Variants in MYRIP observed in about 807,000 individuals in gnomAD.
MYRIP encodes the protein rab effector MyRIP.
Under a neutral mutation model 98.0 loss-of-function variants are expected in MYRIP, and 49 were observed. The observed-to-expected ratio is 0.50, with a 90% CI of 0.40 to 0.63. The LOEUF is 0.63. Ranked by LOEUF, MYRIP falls within the 30% of genes least tolerant of loss-of-function variation. MYRIP has a pLI of 0.00. For synonymous variants in MYRIP, 404 were observed against 409.5 expected, an observed-to-expected ratio of 0.99 and a Z score of 0.16; for missense variants, 1,004 against 1,058.2, an observed-to-expected ratio of 0.95 and a Z score of 0.71.
At chr3:39,945,352 T>TA (rs1475205170) in intron 2 of MYRIP, among the ~76,000 whole-genome samples, 1 of 141,958 alleles carries the variant, frequency 7.0e-6, no homozygotes, top group Non-Finnish European at 1.5e-5. Flanking sequence ...CATGATGGTG[T>TA]ATGCCTGTAA....
At chr3:39,871,476 G>T (rs1261174427) in intron 1 of MYRIP, among the ~76,000 whole-genome samples, 1 of 152,154 alleles carries the variant, frequency 6.6e-6, no homozygotes, top group Non-Finnish European at 1.5e-5. Flanking sequence ...TGGCAAACAG[G>T]TTAGGAACAT....
intron 2 of MYRIP, among the ~76,000 whole-genome samples, chr3:39,953,580 T>C (rs886222614): frequency 2.2e-4 from 33 of 152,068 alleles, no homozygotes; most frequent in African/African-American, 6.3e-4. Context: ...GATGGCCAAA[T>C]AGGAACAGCT....
intron 2 of MYRIP, among the ~76,000 whole-genome samples, chr3:39,921,545 T>G (rs1371945969): frequency 2.6e-5 from 4 of 152,172 alleles, no homozygotes; most frequent in South Asian, 2.1e-4. Context: ...TTGCACATAT[T>G]CAGGTGGGAA....
chr3:40,094,876 T>C lies in MYRIP; in HGVS notation c.332+50605T>C, dbSNP rs114782654. On this transcript the variant is annotated intron_variant, in intron 3 of 16. Coordinates refer to ENST00000302541, the MANE Select transcript of MYRIP (RefSeq NM_015460.4). ...AGCTGCAGTTTCAGACTTCTTACAA[T>C]AGCAAGATGATGGCTTTGCCAGAGC... Among the ~76,000 whole-genome samples, 1,327 of 152,294 alleles carry C rather than the reference T, an allele frequency of 8.7e-3. 18 individuals carry two copies. The highest frequency in any genetic ancestry group is 0.031 in the African/African-American group (1,271 of 41,564).
chr3:39,913,057 G>A (rs893020516), intron 2 of MYRIP, among the ~76,000 whole-genome samples: 2 of 151,938 alleles, frequency 1.3e-5, no homozygotes, highest in African/African-American at 4.8e-5. Context: ...ATTATTTACT[G>A]TGATAAATTT....
intron 3 of MYRIP, among the ~76,000 whole-genome samples, chr3:40,129,523 A>C (rs1949597153): frequency 6.8e-6 from 1 of 147,606 alleles, no homozygotes; most frequent in Non-Finnish European, 1.5e-5. Flanking sequence ...ACACATGGGA[A>C]TCTTGCTAAA....
intron 2 of MYRIP, among the ~76,000 whole-genome samples, chr3:39,994,339 C>T (rs1946276047): frequency 1.3e-5 from 2 of 152,244 alleles, no homozygotes; most frequent in Admixed American, 1.3e-4. Context: ...CACTCCCACC[C>T]TAATACTGCG....
At chr3:39,863,996 T>C (rs937078846) in intron 1 of MYRIP, among the ~76,000 whole-genome samples, 1 of 152,166 alleles carries the variant, frequency 6.6e-6, no homozygotes, top group African/African-American at 2.4e-5. Flanking sequence ...TGTCTCAACA[T>C]ATACAAATTA....
At chr3:40,156,126 G>C (rs1484351413) in intron 4 of MYRIP, among the ~76,000 whole-genome samples, 30 of 151,360 alleles carry the variant, frequency 2.0e-4, no homozygotes, top group African/African-American at 7.3e-4. Flanking sequence ...ATGGTTTTAG[G>C]TCTAACATTT....
chr3:39,888,574 C>T (rs1943381649), intron 1 of MYRIP, among the ~76,000 whole-genome samples: 1 of 152,136 alleles, frequency 6.6e-6, no homozygotes, highest in South Asian at 2.1e-4. Context: ...ACCATAAAAA[C>T]CCTAGAAGAA....
intron 2 of MYRIP, among the ~76,000 whole-genome samples, chr3:40,015,162 T>C (rs1263961554): frequency 1.3e-5 from 2 of 152,270 alleles, no homozygotes; most frequent in African/African-American, 2.4e-5. Context: ...CATTTTGTTC[T>C]TGCTGGTTCC....
chr3:39,809,450 C>G (rs1424316786), upstream of MYRIP, among the ~76,000 whole-genome samples: 2 of 147,410 alleles, frequency 1.4e-5, no homozygotes. Context: ...GGAACCGGCC[C>G]GGCGGGCACC....
intron 2 of MYRIP, among the ~76,000 whole-genome samples, chr3:39,966,295 A>G (rs1474853360): frequency 6.6e-6 from 1 of 152,190 alleles, no homozygotes; most frequent in Non-Finnish European, 1.5e-5. Flanking sequence ...TTTTACCAAG[A>G]ACACTGAAGA....
intron 3 of MYRIP, among the ~76,000 whole-genome samples, chr3:40,110,881 G>GGTGTGT (rs58040369): frequency 1.4e-4 from 20 of 147,806 alleles, no homozygotes; most frequent in African/African-American, 5.0e-4. Flanking sequence ...TTCATGAAGG[G>GGTGTGT]GTGTGTGTGT....
In MYRIP at chr3:40,167,222, A is replaced by C; in HGVS notation, c.712A>C (p.Thr238Pro). 1.2e-6 allele frequency: 2 copies of C among 1,614,210 alleles called. No homozygotes were observed. The highest frequency in any genetic ancestry group is 1.7e-6 in the Non-Finnish European group (2 of 1,180,038). The change falls in exon 7 of 17, where the codon ACG (threonine) becomes CCG (proline). Residue 238 changes from threonine to proline, a missense_variant. Thr to Pro is a conservative substitution (Grantham distance 38). Coordinates refer to ENST00000302541, the MANE Select transcript of MYRIP (RefSeq NM_015460.4). ...GGAGGAGCTAACTGAGGAACTGGCC[A>C]CGACAATCCTGCAGAAGGTAGGTGG... ...HKEELTEELATTILQKIIRKQ... is the reference protein window; with the variant it reads ...HKEELTEELAPTILQKIIRKQ...
intron 1 of MYRIP, among the ~76,000 whole-genome samples, chr3:39,841,909 G>A (rs1044246407): frequency 1.3e-5 from 2 of 152,174 alleles, no homozygotes; most frequent in African/African-American, 4.8e-5. Context: ...GCTGGGAGGT[G>A]TCTCCCAGTC....
At chr3:39,938,744 A>G (rs1048827276) in intron 2 of MYRIP, among the ~76,000 whole-genome samples, 1 of 152,048 alleles carries the variant, frequency 6.6e-6, no homozygotes, top group Non-Finnish European at 1.5e-5. Flanking sequence ...GCCTCAAGAG[A>G]TCCTCCTGCC....
At chr3:39,990,566 T>C (rs1350660645) in intron 2 of MYRIP, among the ~76,000 whole-genome samples, 1 of 152,344 alleles carries the variant, frequency 6.6e-6, no homozygotes, top group East Asian at 1.9e-4. Context: ...AAATCAGACA[T>C]TCAAGGGCTG....
At chr3:40,092,161 A>G (rs989246002) in intron 3 of MYRIP, among the ~76,000 whole-genome samples, 1 of 152,166 alleles carries the variant, frequency 6.6e-6, no homozygotes, top group African/African-American at 2.4e-5. Flanking sequence ...TGACTGTGAA[A>G]GGAGGTACAT....
Sources: allele counts gnomAD v4.1 joint callset (sites outside exome capture counted in the v4.1 genomes callset), GRCh38; gene constraint gnomAD v4.1.1; transcripts MANE v1.5; gene names NCBI Gene and HGNC (gene_info 2026-07-23, HGNC 2026-07-21).